C1orf21: variants seen among roughly 807,000 people sequenced by gnomAD.
C1orf21 encodes the protein chromosome 1 open reading frame 21, also known as uncharacterized protein C1orf21.
In C1orf21, 3 loss-of-function variants were observed where a neutral mutation model predicts 18.7. The ratio of observed to expected loss-of-function variants is 0.16; its 90% CI spans 0.07 to 0.42. The LOEUF (loss-of-function observed/expected upper bound fraction) is 0.42. Ranked by LOEUF, C1orf21 falls within the 10% of genes least tolerant of loss-of-function variation. The pLI is 0.99. For synonymous variants in C1orf21, 41 were observed against 46.4 expected (o/e 0.88, Z 0.47); for missense variants, 104 against 143.6 (o/e 0.72, Z 1.41).
At chr1:184,388,896 T>C (rs1290052163) in intron 1 of C1orf21, among the ~76,000 whole-genome samples, 3 of 152,130 alleles carry the variant, frequency 2.0e-5, no homozygotes, top group Non-Finnish European at 2.9e-5. Flanking sequence ...TTTGGAGTTT[T>C]CCCCCCTTTT....
intron 1 of C1orf21, among the ~76,000 whole-genome samples, chr1:184,430,535 T>G (rs1656723506): frequency 6.6e-6 from 1 of 152,220 alleles, no homozygotes; most frequent in Non-Finnish European, 1.5e-5. Flanking sequence ...AACAGACTTT[T>G]AAAATATTGG....
chr1:184,422,905 A>G (rs2101967318), intron 1 of C1orf21, among the ~76,000 whole-genome samples: 1 of 152,352 alleles, frequency 6.6e-6, no homozygotes, highest in South Asian at 2.1e-4. Context: ...TTTGTCTGGC[A>G]CAGATTGACT....
intron 4 of C1orf21, among the ~76,000 whole-genome samples, chr1:184,591,219 G>A (rs1353032797): frequency 6.6e-6 from 1 of 152,158 alleles, no homozygotes; most frequent in Admixed American, 6.5e-5. Flanking sequence ...TTCAGAGTGA[G>A]TTCCATTTTG....
rs183650059 is a variant in C1orf21, at chr1:184,619,148, A to T, written c.328-370A>T. On this transcript the variant is annotated intron_variant, in intron 5 of 5. Transcript: ENST00000235307. ...AGAATGTTGATTTTCAGGCACGGGG[A>T]TGTAGCTGTAGAATGTGGCTTGTTC... Among the ~76,000 whole-genome samples the T allele has an allele frequency of 1.3e-3, 200 of 152,236 alleles. 2 individuals carry two copies. Among genetic ancestry groups the T allele is most frequent in the Admixed American group, 4.6e-4 (7 of 15,278 alleles).
intron 1 of C1orf21, among the ~76,000 whole-genome samples, chr1:184,392,819 C>CTTT (rs397861528): frequency 1.9e-4 from 18 of 96,826 alleles, no homozygotes; most frequent in African/African-American, 2.5e-4. Context: ...GACATTCCTC[C>CTTT]TTTTTTTTTT....
chr1:184,436,782 T>C (rs1431227952), intron 1 of C1orf21, among the ~76,000 whole-genome samples: 1 of 152,160 alleles, frequency 6.6e-6, no homozygotes, highest in African/African-American at 2.4e-5. Flanking sequence ...GGAATATGGC[T>C]GCAGACAAGG....
At chr1:184,528,962 C>T (rs1047425432) in intron 3 of C1orf21, among the ~76,000 whole-genome samples, 7 of 152,052 alleles carry the variant, frequency 4.6e-5, no homozygotes, top group Non-Finnish European at 7.4e-5. Context: ...GAATATGAAT[C>T]GTTTTATTGT....
intron 4 of C1orf21, 35 bp downstream of exon 4, chr1:184,590,850 G>A: frequency 2.6e-6 from 4 of 1,544,658 alleles, no homozygotes; most frequent in Non-Finnish European, 3.6e-6. Context: ...TATATAGTCG[G>A]CCTTCCATAT....
intron 1 of C1orf21, among the ~76,000 whole-genome samples, chr1:184,441,649 A>G (rs1045145550): frequency 8.5e-5 from 13 of 152,232 alleles, no homozygotes; most frequent in African/African-American, 2.7e-4. Context: ...TCCATTTTAT[A>G]GATGAGTAGG....
intron 3 of C1orf21, among the ~76,000 whole-genome samples, chr1:184,569,232 T>A (rs550833331): frequency 6.6e-6 from 1 of 152,326 alleles, no homozygotes; most frequent in South Asian, 2.1e-4. Context: ...TCATAGTCTC[T>A]GGAGGAACTG....
intron 1 of C1orf21, among the ~76,000 whole-genome samples, chr1:184,414,330 T>C (rs1656412130): frequency 6.6e-6 from 1 of 152,164 alleles, no homozygotes; most frequent in Non-Finnish European, 1.5e-5. Context: ...AGTCTTGCTA[T>C]GTTGCCCGGG....
intron 1 of C1orf21, among the ~76,000 whole-genome samples, chr1:184,475,322 G>A (rs1365278774): frequency 6.6e-6 from 1 of 152,094 alleles, no homozygotes; most frequent in African/African-American, 2.4e-5. Context: ...AGTATCAGCA[G>A]TCCAGTCCTC....
At chr1:184,564,455 G>A (rs1211427998) in intron 3 of C1orf21, among the ~76,000 whole-genome samples, 1 of 152,100 alleles carries the variant, frequency 6.6e-6, no homozygotes, top group Non-Finnish European at 1.5e-5. Context: ...CTACAGGAAT[G>A]CACCACCATG....
At chr1:184,590,667 T>G (rs1659424194) in intron 3 of C1orf21, 72 bp from the exon 4 acceptor site, 2 of 1,457,980 alleles carry the variant, frequency 1.4e-6, no homozygotes, top group African/African-American at 2.8e-5. Context: ...GTTTGTGTGA[T>G]GAAAACTCAT....
chr1:184,592,886 A>G (rs1659459097), intron 4 of C1orf21, among the ~76,000 whole-genome samples: 1 of 152,178 alleles, frequency 6.6e-6, no homozygotes, highest in South Asian at 2.1e-4. Flanking sequence ...AAAACTGGAC[A>G]TGTTAAAATC....
At chr1:184,500,431 G>C (rs933075897) in intron 2 of C1orf21, among the ~76,000 whole-genome samples, 1 of 152,108 alleles carries the variant, frequency 6.6e-6, no homozygotes, top group East Asian at 1.9e-4. Context: ...TTATCATTTT[G>C]ATCCTTCTTA....
At chr1:184,562,348 A>G (rs1192824767) in intron 3 of C1orf21, among the ~76,000 whole-genome samples, 2 of 152,362 alleles carry the variant, frequency 1.3e-5, no homozygotes, top group East Asian at 1.9e-4. Context: ...CAGCAGTTAT[A>G]TAGCAATATC....
chr1:184,604,389 C>T (rs1300738088), intron 5 of C1orf21, among the ~76,000 whole-genome samples: 1 of 152,196 alleles, frequency 6.6e-6, no homozygotes, highest in Non-Finnish European at 1.5e-5. Flanking sequence ...AAGCCTTCAG[C>T]ACTGGCAGAG....
At chr1:184,509,402 G>A (rs904849027) in intron 3 of C1orf21, among the ~76,000 whole-genome samples, 2 of 152,088 alleles carry the variant, frequency 1.3e-5, no homozygotes, top group South Asian at 2.1e-4. Flanking sequence ...GACAAGCCTC[G>A]CCCCTTTGCT....
Sources: gnomAD v4.1 joint callset for allele counts (sites outside exome capture counted in the v4.1 genomes callset) on GRCh38, gnomAD v4.1.1 for gene constraint, MANE v1.5 for transcripts, NCBI Gene and HGNC (gene_info 2026-07-23, HGNC 2026-07-21) for gene names.